PLCE1: variants seen among roughly 807,000 people sequenced by gnomAD.
PLCE1 encodes the protein phospholipase C epsilon 1.
Under a neutral mutation model 242.8 loss-of-function variants are expected in PLCE1, and 119 were observed. The observed-to-expected ratio is 0.49, with a 90% CI of 0.42 to 0.57. The LOEUF (loss-of-function observed/expected upper bound fraction) is 0.57, where lower values mean the gene tolerates loss of function less well. Among genes scored for constraint, PLCE1 ranks in the 20% least tolerant of loss-of-function variants. The pLI is 0.00. For missense variants in PLCE1, 2,441 were observed against 2,788.8 expected (o/e 0.88, Z 2.81); for synonymous variants, 945 against 1,017.4 (o/e 0.93, Z 1.35).
At chr10:94,232,044 A>G (rs762379664) in intron 5 of PLCE1, among the ~76,000 whole-genome samples, 20 of 152,232 alleles carry the variant, frequency 1.3e-4, no homozygotes, top group Admixed American at 4.6e-4. Flanking sequence ...TTAGTGATAT[A>G]TGCATATGTT....
intron 1 of PLCE1, among the ~76,000 whole-genome samples, chr10:94,006,231 G>A (rs1251031133): frequency 6.6e-6 from 1 of 152,232 alleles, no homozygotes; most frequent in African/African-American, 2.4e-5. Flanking sequence ...GGGTTGTGAT[G>A]AGGATTAAAT....
In PLCE1 at chr10:94,178,200, C is replaced by T. The variant is rs140321937; in HGVS notation, c.1809+6704C>T. Reference sequence around the variant, plus strand: ...ATATCTCTGGCTGGAAAGTGATTTTCAAGGGGCCATAAGCAGGTTCACTTT... The same window carrying T: ...ATATCTCTGGCTGGAAAGTGATTTTTAAGGGGCCATAAGCAGGTTCACTTT... On this transcript the variant is annotated intron_variant, in intron 4 of 32. Transcript: ENST00000371380. Among the ~76,000 whole-genome samples the T allele has an allele frequency of 8.7e-3, 1,327 of 152,284 alleles. 11 individuals are homozygous for T. Among genetic ancestry groups the T allele is most frequent in the Non-Finnish European group, 0.013 (876 of 68,028 alleles).
intron 2 of PLCE1, among the ~76,000 whole-genome samples, chr10:94,130,333 A>G (rs2046560260): frequency 6.6e-6 from 1 of 152,228 alleles, no homozygotes; most frequent in Admixed American, 6.5e-5. Context: ...ATAGTTATAC[A>G]ACCACCTATT....
In PLCE1 at chr10:94,158,549, T is replaced by A. The variant is rs2047502865; in HGVS notation, c.1493-12631T>A. Among the ~76,000 whole-genome samples the A allele has an allele frequency of 1.3e-5, 2 of 152,158 alleles. 1 individual carries two copies. The highest frequency in any genetic ancestry group is 1.3e-4 in the Admixed American group (2 of 15,278). On this transcript the variant is annotated intron_variant, in intron 3 of 32. Coordinates refer to ENST00000371380, the MANE Select transcript of PLCE1 (RefSeq NM_016341.4). ...TGGGTAGGGAATTTTTCTCTTTCAA[T>A]GTTATTTAACATAATAAGCACAGAT...
rs776749368 is a variant in PLCE1, at chr10:94,316,530, C to T, written c.6133-17C>T. 1 of 1,571,266 alleles carries T rather than the reference C, an allele frequency of 6.4e-7. No individual in the cohort carries two copies. The highest frequency in any genetic ancestry group is 1.7e-5 in the Admixed American group (1 of 59,944). ...GTTTTTGCCTCACTCCTCAGTTTGC[C>T]TTCACTTTTTCTTTAGATTCTGACA... On this transcript the variant is annotated splice_polypyrimidine_tract_variant and intron_variant, in intron 28 of 32. Transcript: ENST00000371380.
chr10:94,198,250 G>A (rs1272624327), intron 4 of PLCE1, among the ~76,000 whole-genome samples: 1 of 152,078 alleles, frequency 6.6e-6, no homozygotes, highest in Non-Finnish European at 1.5e-5. Flanking sequence ...TGTATAAACA[G>A]GATAGAGAGA....
At chr10:94,077,742 GGGT>G (rs2044547283) in intron 2 of PLCE1, among the ~76,000 whole-genome samples, 1 of 152,134 alleles carries the variant, frequency 6.6e-6, no homozygotes, top group East Asian at 1.9e-4. Flanking sequence ...ACTCCAGCCT[GGGT>G]GACAGAGCAA....
chr10:94,083,036 G>T (rs1478124100), intron 2 of PLCE1, among the ~76,000 whole-genome samples: 1 of 152,158 alleles, frequency 6.6e-6, no homozygotes, highest in Non-Finnish European at 1.5e-5. Context: ...CATAGTTTTG[G>T]CAATTCTCTA....
chr10:94,268,804 A>C, intron 16 of PLCE1, 125 bp from the exon 17 acceptor site: 1 of 694,626 alleles, frequency 1.4e-6, no homozygotes, highest in East Asian at 2.7e-5. Flanking sequence ...GTTTTAGACC[A>C]TTTGCCCTTC....
At chr10:94,009,522 C>T (rs1170682248) in intron 1 of PLCE1, among the ~76,000 whole-genome samples, 1 of 152,164 alleles carries the variant, frequency 6.6e-6, no homozygotes, top group African/African-American at 2.4e-5. Context: ...CCCAATAGTC[C>T]TTAAAGTTTT....
chr10:94,233,982 G>A (rs1036024581), intron 5 of PLCE1, 72 bp from the exon 6 acceptor site: 5 of 1,326,546 alleles, frequency 3.8e-6, no homozygotes, highest in Non-Finnish European at 4.3e-6. Context: ...GAATTTGTAT[G>A]GAATTTAGGC....
intron 23 of PLCE1, among the ~76,000 whole-genome samples, chr10:94,296,283 G>A (rs867299467): frequency 3.3e-5 from 5 of 150,782 alleles, no homozygotes; most frequent in African/African-American, 7.3e-5. Flanking sequence ...GGAGAATGGC[G>A]TGAACCCGGG....
intron 4 of PLCE1, among the ~76,000 whole-genome samples, chr10:94,196,436 G>A (rs1564778587): frequency 6.6e-6 from 1 of 152,120 alleles, no homozygotes; most frequent in South Asian, 2.1e-4. Flanking sequence ...AGCTCCGAGG[G>A]GAAGAGCCTT....
chr10:94,308,081 T>C (rs2053265478), intron 26 of PLCE1, among the ~76,000 whole-genome samples: 1 of 152,250 alleles, frequency 6.6e-6, no homozygotes, highest in African/African-American at 2.4e-5. Flanking sequence ...GGTTTTCACT[T>C]ACTAATGTAT....
chr10:94,128,862 A>G (rs2046513134), intron 2 of PLCE1, among the ~76,000 whole-genome samples: 1 of 152,256 alleles, frequency 6.6e-6, no homozygotes. Context: ...CATCCAGTGG[A>G]GAACTCATGC....
rs760867173 is a variant in PLCE1, at chr10:94,325,045, T to C, written c.6874T>C (p.Leu2292=). ...CAAGGAGGAGAAACCTGTGGGTGGCTTGTCCTCCAGTGACACAATGGATTA... is the reference window on the plus strand; with the variant it reads ...CAAGGAGGAGAAACCTGTGGGTGGCCTGTCCTCCAGTGACACAATGGATTA... ...QTKEEKPVGG[L]SSSDTMDYRQ The change falls in exon 32 of 33, where the codon TTG becomes CTG. Residue 2292 remains leucine (L), a synonymous_variant. Transcript: ENST00000371380. The C allele has an allele frequency of 5.6e-6, 9 of 1,614,204 alleles. No individual in the cohort carries two copies. The East Asian group carries it at 2.0e-4, about 36-fold the overall frequency.
At chr10:94,169,562 C>T (rs1365560599) in intron 3 of PLCE1, among the ~76,000 whole-genome samples, 4 of 152,122 alleles carry the variant, frequency 2.6e-5, no homozygotes, top group African/African-American at 9.7e-5. Flanking sequence ...CTGACATGAC[C>T]TACACTGTCT....
In PLCE1 at chr10:94,304,505, G is replaced by A; in HGVS notation, c.5482G>A (p.Ala1828Thr). 1 of 1,614,064 alleles carries A rather than the reference G, an allele frequency of 6.2e-7. No individual in the cohort carries two copies. Among genetic ancestry groups the A allele is most frequent in the Non-Finnish European group, 8.5e-7 (1 of 1,179,932 alleles). Residue 1828 changes from alanine to threonine, a missense_variant, in exon 25 of 33, where the codon GCA becomes ACA. Ala to Thr is a moderately conservative substitution (Grantham distance 58, BLOSUM62 0). Around this residue, in one of 5 missense-constraint regions of PLCE1, gnomAD observed 1,004 missense variants for 1,322.7 expected, o/e 0.76. Transcript: ENST00000371380. The part of the protein sequence containing the change: ...TDDLPLHLNA[A>T]MFEANGGCGY... ...AGATCTCCCTTTACATTTAAATGCT[G>A]CAATGTTTGAGGCAAATGGTGGTTG...
intron 2 of PLCE1, among the ~76,000 whole-genome samples, chr10:94,045,999 T>C (rs755957726): frequency 4.6e-5 from 7 of 152,016 alleles, no homozygotes; most frequent in Non-Finnish European, 8.8e-5. Context: ...CCTTAGTTGG[T>C]GCATAGTTTC....
Sources: gnomAD v4.1 joint callset for allele counts (sites outside exome capture counted in the v4.1 genomes callset) on GRCh38, gnomAD v4.1.1 for gene constraint, gnomAD v4.1.1 regional missense constraint, MANE v1.5 for transcripts, NCBI Gene and HGNC (gene_info 2026-07-23, HGNC 2026-07-21) for gene names.